Variants in RIMS2 observed in about 807,000 individuals in gnomAD.
The protein encoded by RIMS2 is regulating synaptic membrane exocytosis protein 2.
In RIMS2, 59 loss-of-function variants were observed where a neutral mutation model predicts 174.4. That is an observed-to-expected ratio of 0.34 (90% CI 0.27 to 0.42). The LOEUF (loss-of-function observed/expected upper bound fraction) is 0.42, where lower values mean the gene tolerates loss of function less well. Ranked by LOEUF, RIMS2 falls within the 10% of genes least tolerant of loss-of-function variation. The pLI is 1.00. For missense variants in RIMS2, 1,620 were observed against 1,666.3 expected, an observed-to-expected ratio of 0.97 and a Z score of 0.48; for synonymous variants, 606 against 572.5, an observed-to-expected ratio of 1.06 and a Z score of -0.84.
At chr8:103,945,073 A>G (rs1313723805) in intron 14 of RIMS2, among the ~76,000 whole-genome samples, 1 of 152,070 alleles carries the variant, frequency 6.6e-6, no homozygotes, top group Non-Finnish European at 1.5e-5. Context: ...TAAATATTGC[A>G]TTTAATTTTA....
At chr8:103,882,310 T>C (rs994985272) in intron 3 of RIMS2, among the ~76,000 whole-genome samples, 2 of 151,532 alleles carry the variant, frequency 1.3e-5, no homozygotes, top group Non-Finnish European at 1.5e-5. Flanking sequence ...CTATGAAATA[T>C]AGAAGTTTAA....
chr8:103,573,219 C>A (rs2092966018), intron 1 of RIMS2, among the ~76,000 whole-genome samples: 1 of 151,506 alleles, frequency 6.6e-6, no homozygotes, highest in African/African-American at 2.4e-5. Context: ...CCACGCCCAG[C>A]TAATTTTTGT....
chr8:104,049,447 C>CA (rs540108708), intron 19 of RIMS2, among the ~76,000 whole-genome samples: 2 of 151,910 alleles, frequency 1.3e-5, no homozygotes, highest in Admixed American at 1.3e-4. Flanking sequence ...AACAAACAAA[C>CA]AAAAAAACCC....
intron 1 of RIMS2, among the ~76,000 whole-genome samples, chr8:103,551,425 A>G (rs1229779190): frequency 6.6e-6 from 1 of 152,202 alleles, no homozygotes; most frequent in African/African-American, 2.4e-5. Context: ...ACTCTCAATA[A>G]ACTAGGTATT....
At chr8:103,505,247 A>G (rs907624046) in intron 1 of RIMS2, among the ~76,000 whole-genome samples, 1 of 152,160 alleles carries the variant, frequency 6.6e-6, no homozygotes, top group African/African-American at 2.4e-5. Flanking sequence ...GTCTATGCAT[A>G]AGAATAAATA....
At chr8:103,894,882 T>C (rs1307425942) in intron 4 of RIMS2, among the ~76,000 whole-genome samples, 1 of 151,632 alleles carries the variant, frequency 6.6e-6, no homozygotes, top group Non-Finnish European at 1.5e-5. Context: ...AGTCCCTGGA[T>C]TACAGTACAG....
intron 1 of RIMS2, among the ~76,000 whole-genome samples, chr8:103,601,564 G>C (rs553284865): frequency 1.7e-4 from 26 of 151,974 alleles, no homozygotes; most frequent in African/African-American, 6.3e-4. Context: ...CATATATATA[G>C]GTGAAGTGTG....
intron 3 of RIMS2, among the ~76,000 whole-genome samples, chr8:103,834,732 CTTTCTTTCT>C (rs2098854648): frequency 1.5e-5 from 2 of 129,200 alleles, no homozygotes; most frequent in African/African-American, 6.3e-5. Flanking sequence ...TTCTTTCTTT[CTTTCTTTCT>C]TTCTCTCTCT....
intron 22 of RIMS2, 49 bp downstream of exon 28, chr8:104,249,637 T>A (rs1396665367): frequency 9.4e-7 from 1 of 1,068,330 alleles, no homozygotes; most frequent in Non-Finnish European, 1.4e-6. Context: ...CCATATTGTT[T>A]CAATTTAGAG....
chr8:103,750,336 CAT>C (rs1231727788), intron 2 of RIMS2, among the ~76,000 whole-genome samples: 2 of 152,100 alleles, frequency 1.3e-5, no homozygotes, highest in African/African-American at 4.8e-5. Flanking sequence ...TTAAACAAGA[CAT>C]AAATACAAAT....
chr8:103,904,393 T>C (rs974315554), intron 4 of RIMS2, among the ~76,000 whole-genome samples: 3 of 152,106 alleles, frequency 2.0e-5, no homozygotes, highest in African/African-American at 7.2e-5. Flanking sequence ...AAATTTCTGT[T>C]TATATAAAGC....
At chr8:103,800,916 A>T (rs1220651646) in intron 3 of RIMS2, among the ~76,000 whole-genome samples, 3 of 152,068 alleles carry the variant, frequency 2.0e-5, no homozygotes, top group Admixed American at 6.6e-5. Context: ...TAAATGTTTG[A>T]TAGAATTTGC....
intron 19 of RIMS2, among the ~76,000 whole-genome samples, chr8:104,100,036 G>A (rs2097844112): frequency 6.6e-6 from 1 of 151,866 alleles, no homozygotes; most frequent in African/African-American, 2.4e-5. Context: ...GCCTGGGCTG[G>A]TTTCGAACCC....
Position 103,625,910 on chromosome 8 carries a change from T to TTA in RIMS2, c.177-71167_177-71166dup, listed in dbSNP as rs578023147. Among the ~76,000 whole-genome samples, 61 of 151,720 alleles carry TTA rather than the reference T, an allele frequency of 4.0e-4. 1 individual carries two copies. In the South Asian group the frequency reaches 0.012, roughly 31 times the overall value. On this transcript the variant is annotated intron_variant, in intron 1 of 23. Transcript: ENST00000504942. ...TTTATTATGTGTATGTGTGTATATA[T>TTA]TATATATATACACACACTAGTAAAT...
intron 19 of RIMS2, among the ~76,000 whole-genome samples, chr8:104,090,078 T>TATAC (rs568900101): frequency 6.0e-5 from 9 of 150,700 alleles, no homozygotes; most frequent in South Asian, 4.2e-4. Context: ...TATATATATA[T>TATAC]ACACACACAC....
At chr8:103,688,320 T>C (rs1331926828) in intron 1 of RIMS2, among the ~76,000 whole-genome samples, 1 of 152,096 alleles carries the variant, frequency 6.6e-6, no homozygotes, top group Non-Finnish European at 1.5e-5. Context: ...TTGAATTTTA[T>C]CAAATGCTTT....
chr8:104,138,386 C>T lies in RIMS2; in HGVS notation c.3335-106530C>T, dbSNP rs544471790. Reference sequence around the variant, plus strand: ...CATAGTAGTTGTACTAATTTACATTCCCACCAACGGTGTAAGAGGGTTCCC... The same window carrying T: ...CATAGTAGTTGTACTAATTTACATTTCCACCAACGGTGTAAGAGGGTTCCC... On this transcript the variant is annotated intron_variant, in intron 19 of 23. Coordinates refer to ENST00000504942, the Ensembl canonical transcript of RIMS2. Among the ~76,000 whole-genome samples the T allele has an allele frequency of 2.4e-3, 368 of 152,258 alleles. 2 individuals carry two copies. Among genetic ancestry groups the T allele is most frequent in the African/African-American group, 7.9e-3 (327 of 41,556 alleles).
chr8:103,514,213 AG>A (rs1390809532), intron 1 of RIMS2, among the ~76,000 whole-genome samples: 1 of 152,238 alleles, frequency 6.6e-6, no homozygotes, highest in Non-Finnish European at 1.5e-5. Flanking sequence ...TAGCTGACAA[AG>A]GCTAGAAAAA....
chr8:103,840,961 AG>A (rs1032361703), intron 3 of RIMS2, among the ~76,000 whole-genome samples: 2 of 152,326 alleles, frequency 1.3e-5, no homozygotes, highest in Non-Finnish European at 1.5e-5. Flanking sequence ...AATGTATAAA[AG>A]CTTCCTGCAT....
Sources: gnomAD v4.1 joint callset for allele counts (sites outside exome capture counted in the v4.1 genomes callset) on GRCh38, gnomAD v4.1.1 for gene constraint, MANE v1.5 for transcripts, NCBI Gene and HGNC (gene_info 2026-07-23, HGNC 2026-07-21) for gene names.